The following PRKCE variants were observed in gnomAD, a reference collection of about 807,000 sequenced individuals.
PRKCE encodes protein kinase C epsilon.
In PRKCE, 16 loss-of-function variants were observed where a neutral mutation model predicts 85.4. The observed-to-expected ratio is 0.19, with a 90% CI of 0.13 to 0.28. The LOEUF is 0.28. Among genes scored for constraint, PRKCE ranks in the 10% least tolerant of loss-of-function variants. The pLI, the probability that PRKCE is intolerant of heterozygous loss-of-function variation, is 1.00. For missense variants in PRKCE, 573 were observed against 975.2 expected, an observed-to-expected ratio of 0.59 and a Z score of 5.49; for synonymous variants, 388 against 371.5, an observed-to-expected ratio of 1.04 and a Z score of -0.51.
At chr2:45,845,949 A>G (rs1691753551) in intron 2 of PRKCE, among the ~76,000 whole-genome samples, 2 of 152,334 alleles carry the variant, frequency 1.3e-5, no homozygotes, top group Admixed American at 1.3e-4. Context: ...GCTAATATGT[A>G]CAGAAAAAAG....
chr2:45,707,670 C>A (rs930664612), intron 1 of PRKCE, among the ~76,000 whole-genome samples: 1 of 152,202 alleles, frequency 6.6e-6, no homozygotes, highest in Admixed American at 6.5e-5. Context: ...AGGATCTGCA[C>A]TGGGGGAGGG....
At chr2:45,803,551 A>G (rs1688028972) in intron 1 of PRKCE, among the ~76,000 whole-genome samples, 1 of 152,110 alleles carries the variant, frequency 6.6e-6, no homozygotes, top group Non-Finnish European at 1.5e-5. Context: ...CCTGCTTGTC[A>G]CATTTGAGTT....
At chr2:45,910,606 G>A (rs2103822826) in intron 2 of PRKCE, among the ~76,000 whole-genome samples, 1 of 152,270 alleles carries the variant, frequency 6.6e-6, no homozygotes, top group South Asian at 2.1e-4. Flanking sequence ...TCCTAAACAA[G>A]TTTGTTATGA....
intron 1 of PRKCE, among the ~76,000 whole-genome samples, chr2:45,726,076 T>C (rs1269398108): frequency 6.6e-6 from 1 of 152,166 alleles, no homozygotes; most frequent in Non-Finnish European, 1.5e-5. Flanking sequence ...TGACCAAACT[T>C]GAACGGATGA....
intron 1 of PRKCE, among the ~76,000 whole-genome samples, chr2:45,712,549 C>T (rs551576144): frequency 7.2e-5 from 11 of 152,280 alleles, no homozygotes; most frequent in South Asian, 4.1e-4. Context: ...CCTCCAGGAA[C>T]GTCTCTCCTC....
chr2:45,925,069 G>A (rs1698511222), intron 2 of PRKCE, among the ~76,000 whole-genome samples: 1 of 152,148 alleles, frequency 6.6e-6, no homozygotes, highest in Non-Finnish European at 1.5e-5. Context: ...GGTATCCACT[G>A]TGGACATGGG....
intron 1 of PRKCE, among the ~76,000 whole-genome samples, chr2:45,755,769 G>A (rs765593961): frequency 1.3e-5 from 2 of 152,138 alleles, no homozygotes; most frequent in Non-Finnish European, 2.9e-5. Flanking sequence ...GTTGCCCAAC[G>A]AAATGCAAGG....
chr2:46,135,721 A>ACC (rs1210284537), intron 11 of PRKCE, among the ~76,000 whole-genome samples: 2 of 99,074 alleles, frequency 2.0e-5, no homozygotes, highest in Non-Finnish European at 4.0e-5. Context: ...AAAAAAATTT[A>ACC]CCTTGGGTTC....
At chr2:46,009,999 A>G (rs1705524528) in intron 9 of PRKCE, among the ~76,000 whole-genome samples, 1 of 152,274 alleles carries the variant, frequency 6.6e-6, no homozygotes, top group African/African-American at 2.4e-5. Context: ...ATGCCTGGGC[A>G]TTGTGCCAGA....
intron 10 of PRKCE, among the ~76,000 whole-genome samples, chr2:46,019,993 G>A (rs1237996017): frequency 1.3e-5 from 2 of 151,890 alleles, no homozygotes; most frequent in African/African-American, 4.8e-5. Flanking sequence ...GGGATTACAG[G>A]CACGCACCAC....
chr2:45,873,160 G>A (rs1417158420), intron 2 of PRKCE, among the ~76,000 whole-genome samples: 2 of 152,080 alleles, frequency 1.3e-5, no homozygotes, highest in Admixed American at 6.6e-5. Context: ...AATATTGGAC[G>A]GCCACTTCCT....
intron 1 of PRKCE, among the ~76,000 whole-genome samples, chr2:45,658,491 C>G (rs1047412252): frequency 5.9e-5 from 9 of 152,198 alleles, no homozygotes; most frequent in African/African-American, 2.2e-4. Flanking sequence ...GACCGCTCTC[C>G]CTGGATTCAG....
At chr2:45,670,754 G>C (rs1676121367) in intron 1 of PRKCE, among the ~76,000 whole-genome samples, 1 of 152,212 alleles carries the variant, frequency 6.6e-6, no homozygotes, top group Non-Finnish European at 1.5e-5. Context: ...ACTGACGAAG[G>C]ATTTGTAGAG....
At chr2:46,093,580 A>G (rs1424628940) in intron 11 of PRKCE, among the ~76,000 whole-genome samples, 1 of 148,356 alleles carries the variant, frequency 6.7e-6, no homozygotes, top group African/African-American at 2.5e-5. Flanking sequence ...CCAGGCTGCC[A>G]TGCAGTGTTA....
intron 2 of PRKCE, among the ~76,000 whole-genome samples, chr2:45,873,587 T>C (rs1319568843): frequency 1.3e-5 from 2 of 152,202 alleles, no homozygotes; most frequent in Non-Finnish European, 2.9e-5. Context: ...TGTAGAATCC[T>C]GTATTCCTTT....
At chr2:45,828,526 A>G (rs1368151097) in intron 1 of PRKCE, among the ~76,000 whole-genome samples, 2 of 152,258 alleles carry the variant, frequency 1.3e-5, no homozygotes, top group South Asian at 2.1e-4. Flanking sequence ...GAGTAGTGCT[A>G]TAATTATTTG....
chr2:45,798,832 CTTA>C (rs1265382661), intron 1 of PRKCE, among the ~76,000 whole-genome samples: 42 of 149,176 alleles, frequency 2.8e-4, no homozygotes, highest in African/African-American at 8.6e-4. Context: ...TATTGTATTT[CTTA>C]TTATTATGGG....
intron 1 of PRKCE, chr2:45,685,455 T>G (rs530606009): frequency 1.3e-5 from 2 of 152,282 alleles, no homozygotes; most frequent in Non-Finnish European, 2.9e-5. Flanking sequence ...ATTGCTGTTA[T>G]TCACATGATT....
Position 46,185,205 on chromosome 2 carries a change from T to C in PRKCE, c.*324T>C. 3 of 261,170 alleles carry C rather than the reference T, an allele frequency of 1.1e-5. No homozygotes were observed. Among genetic ancestry groups the C allele is most frequent in the Non-Finnish European group, 1.4e-5 (2 of 138,402 alleles). 16.2% of individuals were successfully genotyped at this position (261,170 alleles called of 1,614,324 possible). A position where few individuals can be genotyped will look rare whatever the true frequency, so the allele number is the denominator to read the frequency against. The stretch of plus-strand genomic sequence containing the variant: ...CCTGGCAGTGAAGCAACTTCAGTTC[T>C]TTTACTGCAAAGAACAGAAAAAAGA... On this transcript the variant is annotated 3_prime_UTR_variant, in exon 15 of 15. Coordinates refer to ENST00000306156, the MANE Select transcript of PRKCE (RefSeq NM_005400.3). This position sits in a 1 kb window ranked among gnomAD's most constrained non-coding sequence, Gnocchi z 4.7.
Sources: gnomAD v4.1 joint callset for allele counts (sites outside exome capture counted in the v4.1 genomes callset) on GRCh38, gnomAD v4.1.1 for gene constraint, Gnocchi (gnomAD v3.1) non-coding constraint, MANE v1.5 for transcripts, NCBI Gene and HGNC (gene_info 2026-07-23, HGNC 2026-07-21) for gene names.